FER: variants seen among roughly 807,000 people sequenced by gnomAD.
The protein encoded by FER is FER tyrosine kinase.
In FER, 63 loss-of-function variants were observed where a neutral mutation model predicts 111.0. That is an observed-to-expected ratio of 0.57 (90% CI 0.46 to 0.70). The LOEUF (loss-of-function observed/expected upper bound fraction) is 0.70, where lower values mean the gene tolerates loss of function less well. FER is among the 30% of genes least tolerant of loss of function. FER has a pLI of 0.00. For missense variants in FER, 914 were observed against 954.0 expected (o/e 0.96, Z 0.55); for synonymous variants, 327 against 313.9 (o/e 1.04, Z -0.44).
At chr5:109,061,673 A>G (rs1177293305) in intron 16 of FER, among the ~76,000 whole-genome samples, 1 of 152,096 alleles carries the variant, frequency 6.6e-6, no homozygotes, top group East Asian at 2.0e-4. Context: ...GTGCATAGAT[A>G]AATAAATAGC....
chr5:108,799,927 C>T (rs1190345761), intron 3 of FER, among the ~76,000 whole-genome samples: 1 of 151,106 alleles, frequency 6.6e-6, no homozygotes, highest in African/African-American at 2.4e-5. Context: ...ACTAAAACCT[C>T]TGCCTCCCGG....
chr5:109,178,444 A>G (rs78928349), intron 17 of FER, among the ~76,000 whole-genome samples: 3,610 of 152,110 alleles, frequency 0.024, 70 homozygotes, highest in East Asian at 0.075. Flanking sequence ...TAGCTATAAA[A>G]CATAGATATT....
At chr5:109,159,095 A>G (rs1561971230) in intron 17 of FER, among the ~76,000 whole-genome samples, 2 of 152,172 alleles carry the variant, frequency 1.3e-5, no homozygotes, top group Admixed American at 6.6e-5. Context: ...TCAACCTGGT[A>G]TTAACAGTCA....
chr5:109,184,385 A>G (rs1758628634), intron 18 of FER, among the ~76,000 whole-genome samples: 1 of 152,124 alleles, frequency 6.6e-6, no homozygotes, highest in Admixed American at 6.5e-5. Context: ...CAAGTGAGAC[A>G]TAGAAAAGTA....
At chr5:108,866,136 T>C (rs1764029533) in intron 5 of FER, among the ~76,000 whole-genome samples, 2 of 152,154 alleles carry the variant, frequency 1.3e-5, no homozygotes, top group Admixed American at 6.5e-5. Context: ...CACATGCACA[T>C]GTATGTTTAT....
At chr5:109,152,935 A>G (rs1755008456) in intron 17 of FER, among the ~76,000 whole-genome samples, 1 of 152,018 alleles carries the variant, frequency 6.6e-6, no homozygotes, top group Non-Finnish European at 1.5e-5. Context: ...GTCTTTTAAA[A>G]ATAGATTAAC....
At chr5:108,903,260 A>G (rs1750292942) in intron 10 of FER, among the ~76,000 whole-genome samples, 1 of 152,230 alleles carries the variant, frequency 6.6e-6, no homozygotes, top group Non-Finnish European at 1.5e-5. Flanking sequence ...AACACACAAC[A>G]TAGATTTTTC....
At chr5:108,764,556 C>T (rs903240114) in intron 1 of FER, among the ~76,000 whole-genome samples, 1 of 152,016 alleles carries the variant, frequency 6.6e-6, no homozygotes, top group Non-Finnish European at 1.5e-5. Flanking sequence ...CGCCACCATG[C>T]CCGGCTGATT....
intron 2 of FER, among the ~76,000 whole-genome samples, chr5:108,780,000 G>A (rs1034182661): frequency 3.3e-5 from 5 of 151,896 alleles, no homozygotes; most frequent in Non-Finnish European, 7.4e-5. Context: ...ATACATAATC[G>A]AATATATTGT....
chr5:108,847,034 T>C (rs1762095944), intron 5 of FER, among the ~76,000 whole-genome samples: 2 of 151,788 alleles, frequency 1.3e-5, no homozygotes, highest in South Asian at 4.2e-4. Flanking sequence ...TCCTTCCTTC[T>C]GCTTGCTTTA....
chr5:108,766,091 G>A (rs1454951611), intron 1 of FER, among the ~76,000 whole-genome samples: 1 of 151,962 alleles, frequency 6.6e-6, no homozygotes, highest in Non-Finnish European at 1.5e-5. Context: ...CACCATGCCT[G>A]GCTAATTTAT....
chr5:109,095,161 A>G (rs2150053167), intron 16 of FER, among the ~76,000 whole-genome samples: 1 of 152,228 alleles, frequency 6.6e-6, no homozygotes, highest in Admixed American at 6.6e-5. Flanking sequence ...GACTGATGAT[A>G]TTTATTAGAC....
intron 13 of FER, among the ~76,000 whole-genome samples, chr5:108,986,281 G>T (rs867228584): frequency 3.6e-4 from 53 of 145,958 alleles, no homozygotes; most frequent in African/African-American, 1.3e-3. Context: ...TTTTTGCTGG[G>T]TTTTTTTCTT....
rs541879675 is a variant in FER, at chr5:108,867,901, C to T, written c.616C>T (p.Leu206=). The change falls in exon 6 of 20, where the codon CTG becomes TTG. Residue 206 remains leucine, a synonymous_variant. Transcript: ENST00000281092. ...TCAGTATTATGATATCACACTTCCC[C>T]TGCTTCTGGACTCCTTACAAAAGAT... ...QNQYYDITLP[L]LLDSLQKMQE... The T allele has an allele frequency of 1.2e-6, 2 of 1,613,010 alleles. No individual in the cohort carries two copies. Among genetic ancestry groups the T allele is most frequent in the East Asian group, 2.2e-5 (1 of 44,842 alleles).
chr5:108,780,402 A>G (rs1200542062), intron 2 of FER, among the ~76,000 whole-genome samples: 1 of 149,164 alleles, frequency 6.7e-6, no homozygotes, highest in African/African-American at 2.5e-5. Context: ...TTAATTTTTT[A>G]CTTTTTATCT....
At chr5:108,893,184 G>A (rs917104118) in intron 9 of FER, among the ~76,000 whole-genome samples, 1 of 152,064 alleles carries the variant, frequency 6.6e-6, no homozygotes, top group African/African-American at 2.4e-5. Context: ...CTTTAAAGTA[G>A]TTTTTTCCAA....
At chr5:108,851,943 A>G (rs1427705069) in intron 5 of FER, among the ~76,000 whole-genome samples, 4 of 152,218 alleles carry the variant, frequency 2.6e-5, no homozygotes, top group South Asian at 2.1e-4. Context: ...GCTACTCCAC[A>G]TTACACATGC....
chr5:108,834,742 A>G (rs1760434896), intron 4 of FER, among the ~76,000 whole-genome samples: 1 of 151,986 alleles, frequency 6.6e-6, no homozygotes, highest in Non-Finnish European at 1.5e-5. Flanking sequence ...CTTTTACCAA[A>G]TAGTTTTACA....
intron 8 of FER, among the ~76,000 whole-genome samples, chr5:108,872,566 A>G (rs573674918): frequency 1.3e-5 from 2 of 152,152 alleles, no homozygotes; most frequent in Non-Finnish European, 2.9e-5. Flanking sequence ...ACTGTTAGAG[A>G]TAAGAGACTT....
Sources: allele counts gnomAD v4.1 joint callset (sites outside exome capture counted in the v4.1 genomes callset), GRCh38; gene constraint gnomAD v4.1.1; transcripts MANE v1.5; gene names NCBI Gene and HGNC (gene_info 2026-07-23, HGNC 2026-07-21).